Variants in DDIAS observed in about 807,000 individuals in gnomAD.
The protein encoded by DDIAS is DNA damage-induced apoptosis suppressor protein.
In DDIAS, 14 loss-of-function variants were observed where a neutral mutation model predicts 15.7. The ratio of observed to expected loss-of-function variants is 0.89; its 90% CI spans 0.59 to 1.39. The LOEUF is 1.39. Among genes scored for constraint, DDIAS ranks in the 40% most tolerant of loss-of-function variants. The pLI is 0.00. For synonymous variants in DDIAS, 355 were observed against 395.9 expected, an observed-to-expected ratio of 0.90 and a Z score of 1.23; for missense variants, 1,035 against 1,130.9, an observed-to-expected ratio of 0.92 and a Z score of 1.22.
intron 3 of DDIAS, among the ~76,000 whole-genome samples, chr11:82,919,335 C>T (rs980608959): frequency 1.3e-5 from 2 of 152,170 alleles, no homozygotes; most frequent in Admixed American, 6.5e-5. Context: ...AATGTTTTTT[C>T]TGCATCCATT....
chr11:82,925,001 T>A (rs1860829698), intron 3 of DDIAS, among the ~76,000 whole-genome samples: 2 of 152,190 alleles, frequency 1.3e-5, no homozygotes, highest in South Asian at 2.1e-4. Context: ...CAGTCTCTCA[T>A]GAGTGCATAA....
chr11:82,922,904 C>T (rs190587330), intron 3 of DDIAS, among the ~76,000 whole-genome samples: 1 of 152,288 alleles, frequency 6.6e-6, no homozygotes. Flanking sequence ...TACTCTCCCC[C>T]CTTTTCCTAT....
chr11:82,928,738 T>C (rs1385128787), intron 3 of DDIAS, 39 bp from the exon 4 acceptor site: 2 of 1,598,158 alleles, frequency 1.3e-6, no homozygotes, highest in Middle Eastern at 1.7e-4. Context: ...GAAAAACATT[T>C]AATGAACATC....
At position 82,934,341 on chromosome 11, in the gene DDIAS, C is replaced by T. The variant is rs2121379480; in HGVS notation, c.*6C>T. The T allele has an allele frequency of 1.9e-6, 3 of 1,571,082 alleles. No individual in the cohort carries two copies. Among genetic ancestry groups the T allele is most frequent in the South Asian group, 1.2e-5 (1 of 83,596 alleles). ...CACCTGAATTGTTTTCATAAAAAGT[C>T]ACCTGAACCCAATTCCTGAACTTTT... On this transcript the variant is annotated 3_prime_UTR_variant, in exon 6 of 6. Transcript: ENST00000533655.
intron 3 of DDIAS, among the ~76,000 whole-genome samples, chr11:82,915,871 G>A (rs564989215): frequency 3.5e-4 from 54 of 152,144 alleles, no homozygotes; most frequent in Non-Finnish European, 6.9e-4. Context: ...AAGCAGTGTG[G>A]TATACAGTCC....
chr11:82,902,535 G>A (rs1377538747), intron 1 of DDIAS, among the ~76,000 whole-genome samples: 1 of 152,126 alleles, frequency 6.6e-6, no homozygotes, highest in Non-Finnish European at 1.5e-5. Flanking sequence ...TTTGCCCTCA[G>A]GTTTAAGCCC....
chr11:82,934,248 AGTCAAAT>A lies in DDIAS; in HGVS notation c.2913_2919del (p.Lys972AlafsTer34), dbSNP rs1235894395. On this transcript the variant is annotated frameshift_variant, in exon 6 of 6. Transcript: ENST00000533655. LOFTEE classifies it low-confidence loss of function (END_TRUNC). ...TTCTTGGACCTGATTCTTGTTCAGA[AGTCAAAT>A]GTTGCCTTCCATTTTCAGAAAAAGG... 2.5e-6 allele frequency: 4 copies of A among 1,613,804 alleles called. No individual in the cohort carries two copies. Among genetic ancestry groups the A allele is most frequent in the African/African-American group, 1.3e-5 (1 of 74,934 alleles).
Position 82,931,796 on chromosome 11 carries a change from A to G in DDIAS, c.458A>G (p.His153Arg). 1 of 1,614,228 alleles carries G rather than the reference A, an allele frequency of 6.2e-7. No individual in the cohort carries two copies. The highest frequency in any genetic ancestry group is 1.3e-5 in the African/African-American group (1 of 75,058). ...AACTTCTTACAGCAATGCTCTGACC[A>G]CAAAAGAAAAGCCAAAGCACTAGTG... ...ASNFLQQCSDHKRKAKALVAC... is the reference protein window; with the variant it reads ...ASNFLQQCSDRKRKAKALVAC... The change falls in exon 6 of 6, where the codon CAC becomes CGC. Residue 153 changes from histidine (H) to arginine (R), a missense_variant. By Grantham distance (29) the His-to-Arg change is conservative. Coordinates refer to ENST00000533655, the MANE Select transcript of DDIAS (RefSeq NM_145018.4).
rs1565253344 is a variant in DDIAS, at chr11:82,934,178, A to G, written c.2840A>G (p.Lys947Arg). Residue 947 changes from lysine to arginine, a missense_variant, in exon 6 of 6, where the codon AAA becomes AGA. Physicochemically the swap from Lys to Arg is conservative, Grantham distance 26. Coordinates refer to ENST00000533655, the MANE Select transcript of DDIAS (RefSeq NM_145018.4). ...YNCKSSGWIS[K>R]CPDIQVLAAP... ...TGTAAAAGTTCAGGCTGGATTTCCA[A>G]ATGTCCAGACATTCAAGTCTTAGCA... The G allele has an allele frequency of 6.2e-7, 1 of 1,613,936 alleles. No homozygotes were observed. Among genetic ancestry groups the G allele is most frequent in the Non-Finnish European group, 8.5e-7 (1 of 1,179,992 alleles).
intron 3 of DDIAS, among the ~76,000 whole-genome samples, chr11:82,927,040 A>G (rs1407253997): frequency 1.3e-5 from 2 of 152,170 alleles, no homozygotes; most frequent in Non-Finnish European, 2.9e-5. Flanking sequence ...TTTGGGTCAT[A>G]TATTTACCAA....
chr11:82,906,403 C>A (rs1860432540), intron 1 of DDIAS, among the ~76,000 whole-genome samples: 1 of 152,104 alleles, frequency 6.6e-6, no homozygotes, highest in African/African-American at 2.4e-5. Context: ...ATGTAACCAA[C>A]CTTCCTTTAA....
intron 3 of DDIAS, among the ~76,000 whole-genome samples, chr11:82,925,985 CAA>C (rs35097776): frequency 5.2e-4 from 71 of 136,072 alleles, no homozygotes; most frequent in African/African-American, 5.2e-4. Flanking sequence ...GACACTGTCT[CAA>C]AAAAAAAAAA....
At chr11:82,906,755 G>A (rs1277111666) in intron 1 of DDIAS, among the ~76,000 whole-genome samples, 1 of 152,114 alleles carries the variant, frequency 6.6e-6, no homozygotes, top group Non-Finnish European at 1.5e-5. Context: ...TGTAAGTAAT[G>A]ATTAAAATAA....
chr11:82,905,883 T>G (rs1349615480), intron 1 of DDIAS, among the ~76,000 whole-genome samples: 2 of 152,194 alleles, frequency 1.3e-5, no homozygotes, highest in Non-Finnish European at 2.9e-5. Flanking sequence ...ATCATCATCC[T>G]TCCCAATAAA....
chr11:82,930,296 T>C, intron 5 of DDIAS, 22 bp downstream of exon 5: 1 of 1,410,536 alleles, frequency 7.1e-7, no homozygotes, highest in Non-Finnish European at 9.9e-7. Context: ...TAGCTTTCTT[T>C]TTAATAATCT....
chr11:82,926,562 G>A (rs112878477), intron 3 of DDIAS, among the ~76,000 whole-genome samples: 1,997 of 152,218 alleles, frequency 0.013, 36 homozygotes, highest in African/African-American at 0.045. Context: ...AAGTTAAATC[G>A]GGACGGTGAT....
Position 82,916,404 on chromosome 11 carries a change from T to C in DDIAS, c.113+1553T>C, listed in dbSNP as rs560384851. ...GATTCAAATTGCAACCCTGCCATTATAGCTGTGTGGCCTTGGGCAAGTCAC... is the reference window on the plus strand; with the variant it reads ...GATTCAAATTGCAACCCTGCCATTACAGCTGTGTGGCCTTGGGCAAGTCAC... On this transcript the variant is annotated intron_variant, in intron 3 of 5. Transcript: ENST00000533655. Among the ~76,000 whole-genome samples, 8 of 152,314 alleles carry C rather than the reference T, an allele frequency of 5.3e-5. No individual in the cohort carries two copies. The East Asian group carries it at 1.4e-3, about 26-fold the overall frequency.
chr11:82,910,287 T>A (rs1041210842), intron 1 of DDIAS, among the ~76,000 whole-genome samples: 1 of 151,250 alleles, frequency 6.6e-6, no homozygotes, highest in African/African-American at 2.4e-5. Context: ...ACCTTTTTTT[T>A]TTTTTTTTTT....
chr11:82,914,637 T>C (rs1322138838), intron 2 of DDIAS, 86 bp from the exon 3 acceptor site: 1 of 617,658 alleles, frequency 1.6e-6, no homozygotes, highest in Non-Finnish European at 2.8e-6. Flanking sequence ...AGCTTTGCAG[T>C]AGAGGTTAAG....
Sources: allele counts gnomAD v4.1 joint callset (sites outside exome capture counted in the v4.1 genomes callset), GRCh38; gene constraint gnomAD v4.1.1; transcripts MANE v1.5; gene names NCBI Gene and HGNC (gene_info 2026-07-23, HGNC 2026-07-21).